The following KCNQ5 variants were observed in gnomAD, a reference collection of about 807,000 sequenced individuals.
KCNQ5 encodes potassium voltage-gated channel subfamily Q member 5.
KCNQ5 carries 30 observed loss-of-function variants against 98.2 expected under a neutral mutation model. The ratio of observed to expected loss-of-function variants is 0.31; its 90% CI spans 0.23 to 0.41. KCNQ5 has a LOEUF of 0.41. KCNQ5 is among the 10% of genes least tolerant of loss of function. KCNQ5 has a pLI of 1.00. For synonymous variants in KCNQ5, 458 were observed against 449.4 expected (o/e 1.02, Z -0.24); for missense variants, 835 against 1,182.5 (o/e 0.71, Z 4.31).
chr6:72,905,612 T>C (rs560221018), intron 1 of KCNQ5, among the ~76,000 whole-genome samples: 1 of 152,286 alleles, frequency 6.6e-6, no homozygotes, highest in South Asian at 2.1e-4. Context: ...GGATGTGGCT[T>C]CCTGAGAGCC....
intron 1 of KCNQ5, among the ~76,000 whole-genome samples, chr6:72,675,989 A>G (rs143451843): frequency 2.0e-5 from 3 of 152,320 alleles, no homozygotes; most frequent in Admixed American, 1.3e-4. Flanking sequence ...TATTGCTCCT[A>G]TGTAACTGTT....
At chr6:72,916,485 G>T (rs1246104429) in intron 1 of KCNQ5, among the ~76,000 whole-genome samples, 2 of 152,136 alleles carry the variant, frequency 1.3e-5, no homozygotes, top group African/African-American at 4.8e-5. Flanking sequence ...ACTATGAGAT[G>T]ACAACTCACT....
chr6:72,945,123 T>C (rs967461101), intron 1 of KCNQ5, among the ~76,000 whole-genome samples: 1 of 152,230 alleles, frequency 6.6e-6, no homozygotes, highest in African/African-American at 2.4e-5. Flanking sequence ...AAAAAACTCA[T>C]TGTTATAACA....
chr6:72,985,142 G>C (rs963240484), intron 1 of KCNQ5, among the ~76,000 whole-genome samples: 1 of 152,184 alleles, frequency 6.6e-6, no homozygotes, highest in South Asian at 2.1e-4. Context: ...GATGTTCAAG[G>C]CTGCAGTGAG....
At chr6:73,090,938 GA>G (rs1774219864) in intron 5 of KCNQ5, among the ~76,000 whole-genome samples, 1 of 152,184 alleles carries the variant, frequency 6.6e-6, no homozygotes, top group Non-Finnish European at 1.5e-5. Flanking sequence ...TCTAGAACTA[GA>G]CATACCATTT....
intron 3 of KCNQ5, among the ~76,000 whole-genome samples, chr6:73,060,377 G>A (rs1476230608): frequency 7.9e-5 from 12 of 152,060 alleles, no homozygotes; most frequent in Non-Finnish European, 1.2e-4. Flanking sequence ...AATTAAAGCT[G>A]TATCCATATC....
chr6:73,121,665 C>T (rs1048160100), intron 8 of KCNQ5, among the ~76,000 whole-genome samples: 59 of 152,188 alleles, frequency 3.9e-4, no homozygotes, highest in Non-Finnish European at 1.0e-4. Flanking sequence ...ACCACCTGTT[C>T]TTACTGATCT....
chr6:72,825,672 G>A (rs1222691074), intron 1 of KCNQ5, among the ~76,000 whole-genome samples: 1 of 152,164 alleles, frequency 6.6e-6, no homozygotes, highest in Non-Finnish European at 1.5e-5. Flanking sequence ...TGGAGAAGCT[G>A]AGCTTGGGAG....
At chr6:72,922,414 G>A (rs920987433) in intron 1 of KCNQ5, among the ~76,000 whole-genome samples, 6 of 151,572 alleles carry the variant, frequency 4.0e-5, no homozygotes, top group Admixed American at 6.6e-5. Context: ...TTGTTTTTTT[G>A]TAGCAAGAAC....
At chr6:72,655,029 TTTC>T (rs1766086399) in intron 1 of KCNQ5, among the ~76,000 whole-genome samples, 1 of 52,380 alleles carries the variant, frequency 1.9e-5, no homozygotes, top group Non-Finnish European at 4.2e-5. Context: ...TCTGTCTGTC[TTTC>T]TTTCTTTCTT....
chr6:72,984,605 G>A (rs1768658100), intron 1 of KCNQ5, among the ~76,000 whole-genome samples: 1 of 152,158 alleles, frequency 6.6e-6, no homozygotes, highest in Admixed American at 6.5e-5. Context: ...GATTTTCCAG[G>A]TACAGTCTGT....
chr6:72,691,093 A>C (rs1409028719), intron 1 of KCNQ5, among the ~76,000 whole-genome samples: 1 of 152,230 alleles, frequency 6.6e-6, no homozygotes, highest in East Asian at 1.9e-4. Flanking sequence ...GAACTCAAAA[A>C]TCAGTAAATT....
In KCNQ5 at chr6:72,853,164, G is replaced by T. The variant is rs561457678; in HGVS notation, c.399-150744G>T. On this transcript the variant is annotated intron_variant, in intron 1 of 13. Transcript: ENST00000370398. ...CCTCCTGATAGACTTTAGTCAAAGC[G>T]AAGAAAGTACATCTTATGTCCCCTT... Among the ~76,000 whole-genome samples, 231 of 152,176 alleles carry T rather than the reference G, an allele frequency of 1.5e-3. 1 individual carries two copies. Among genetic ancestry groups the T allele is most frequent in the Non-Finnish European group, 1.9e-3 (130 of 68,004 alleles).
At chr6:73,159,571 C>T (rs1777527707) in intron 10 of KCNQ5, among the ~76,000 whole-genome samples, 2 of 152,060 alleles carry the variant, frequency 1.3e-5, no homozygotes, top group Non-Finnish European at 2.9e-5. Context: ...ATATTGTCAC[C>T]AGCAATGTCA....
At chr6:73,070,318 A>T (rs1157714357) in intron 3 of KCNQ5, among the ~76,000 whole-genome samples, 1 of 152,218 alleles carries the variant, frequency 6.6e-6, no homozygotes, top group African/African-American at 2.4e-5. Context: ...GGAGAATGAC[A>T]GAGTTTTTAT....
intron 1 of KCNQ5, among the ~76,000 whole-genome samples, chr6:72,965,591 C>T (rs1291938631): frequency 6.6e-6 from 1 of 152,104 alleles, no homozygotes; most frequent in East Asian, 1.9e-4. Context: ...GTCATCTGAG[C>T]AGATGTTCTT....
intron 1 of KCNQ5, among the ~76,000 whole-genome samples, chr6:72,944,930 A>G (rs1766466900): frequency 6.6e-6 from 1 of 152,204 alleles, no homozygotes; most frequent in African/African-American, 2.4e-5. Flanking sequence ...AAGTTCCAAA[A>G]TAGATGCTGA....
In KCNQ5 at chr6:72,622,288, C is replaced by T. The variant is rs1459386423; in HGVS notation, c.99C>T (p.Gly33=). The T allele has an allele frequency of 7.7e-7, 1 of 1,294,852 alleles. No individual in the cohort carries two copies. Among genetic ancestry groups the T allele is most frequent in the South Asian group, 2.7e-5 (1 of 37,474 alleles). 80.2% of individuals were successfully genotyped at this position (1,294,852 alleles called of 1,614,324 possible). A position where few individuals can be genotyped will look rare whatever the true frequency, so the allele number is the denominator to read the frequency against. Residue 33 remains glycine (G), a synonymous_variant, in exon 1 of 14, where the codon GGC becomes GGT. Transcript: ENST00000370398. The surrounding 1 kb of genome is among the most constrained non-coding windows in gnomAD (Gnocchi z 6.0). ...AAAAAGGGRL[G]SGMKDVESGR... ...CGGCGGCGGGCGGGGGGCGCTTGGG[C>T]AGCGGCATGAAGGATGTGGAGTCCG...
rs977354465 is a variant in KCNQ5 at position 73,177,445 on chromosome 6, T to C, written c.1577+7591T>C. ...GGCCTCACTGTTACCCTGGGTTGGGTGATAAAGTTTTTCAGTTTTCTTGCC... is the reference window on the plus strand; with the variant it reads ...GGCCTCACTGTTACCCTGGGTTGGGCGATAAAGTTTTTCAGTTTTCTTGCC... On this transcript the variant is annotated intron_variant, in intron 11 of 13. Transcript: ENST00000370398. 3.2e-4 allele frequency among the ~76,000 whole-genome samples: 48 copies of C among 152,074 alleles called. 1 individual carries two copies. The highest frequency in any genetic ancestry group is 1.3e-4 in the Non-Finnish European group (9 of 68,018).
Sources: gnomAD v4.1 joint callset for allele counts (sites outside exome capture counted in the v4.1 genomes callset) on GRCh38, gnomAD v4.1.1 for gene constraint, Gnocchi (gnomAD v3.1) non-coding constraint, MANE v1.5 for transcripts, NCBI Gene and HGNC (gene_info 2026-07-23, HGNC 2026-07-21) for gene names.